The following ZNF618 variants were observed in gnomAD, a reference collection of about 807,000 sequenced individuals.
ZNF618 encodes neural precursor cell expressed, developmentally down-regulated 10.
A neutral mutation model predicts 103.0 loss-of-function variants in ZNF618; 34 were observed. The ratio of observed to expected loss-of-function variants is 0.33; its 90% CI spans 0.25 to 0.44. The LOEUF (loss-of-function observed/expected upper bound fraction) is 0.44. Ranked by LOEUF, ZNF618 falls within the 20% of genes least tolerant of loss-of-function variation. The probability of loss-of-function intolerance (pLI) is 1.00; values close to 1 mark genes in which losing one functional copy is unlikely to be tolerated. For synonymous variants in ZNF618, 551 were observed against 542.2 expected, an observed-to-expected ratio of 1.02 and a Z score of -0.23; for missense variants, 1,059 against 1,295.4, an observed-to-expected ratio of 0.82 and a Z score of 2.80.
At chr9:113,960,420 A>T (rs1249915540) in intron 1 of ZNF618, among the ~76,000 whole-genome samples, 1 of 152,240 alleles carries the variant, frequency 6.6e-6, no homozygotes. Flanking sequence ...AAAGACAACG[A>T]TGATGATGAT....
chr9:113,904,010 C>CTT (rs35812879), intron 1 of ZNF618, among the ~76,000 whole-genome samples: 185 of 139,660 alleles, frequency 1.3e-3, no homozygotes, highest in African/African-American at 4.1e-3. Flanking sequence ...TTCACCCCTC[C>CTT]TTTTTTTTTT....
chr9:114,001,279 G>GC lies in ZNF618; in HGVS notation c.434-717_434-716insC, dbSNP rs1456734053. ...TGGGAGAAGGGCCTGGCAAGGGGCTGGGGGGGCCAGGCATTTACACCATGT... is the reference window on the plus strand; with the variant it reads ...TGGGAGAAGGGCCTGGCAAGGGGCTGCGGGGGGCCAGGCATTTACACCATGT... On this transcript the variant is annotated intron_variant, in intron 4 of 14. Transcript: ENST00000374126. Among the ~76,000 whole-genome samples, 3 of 152,000 alleles carry GC rather than the reference G, an allele frequency of 2.0e-5. No homozygotes were observed. In the South Asian group the frequency reaches 6.3e-4, roughly 32 times the overall value.
intron 3 of ZNF618, among the ~76,000 whole-genome samples, chr9:113,994,851 A>T (rs1840412471): frequency 6.6e-6 from 1 of 152,078 alleles, no homozygotes; most frequent in African/African-American, 2.4e-5. Context: ...ATTCTTTTTC[A>T]CATGTTTGAG....
chr9:113,958,991 C>T (rs974410975), intron 1 of ZNF618, among the ~76,000 whole-genome samples: 1 of 152,218 alleles, frequency 6.6e-6, no homozygotes, highest in Non-Finnish European at 1.5e-5. Context: ...ATTTCTTCAA[C>T]ATAAAAAGTG....
chr9:113,877,109 T>G (rs759030017), intron 1 of ZNF618, among the ~76,000 whole-genome samples: 1 of 152,106 alleles, frequency 6.6e-6, no homozygotes, highest in Non-Finnish European at 1.5e-5. Context: ...ATTTTCACTT[T>G]GATCTTTCCA....
intron 10 of ZNF618, among the ~76,000 whole-genome samples, chr9:114,020,385 A>C (rs907790999): frequency 6.6e-6 from 1 of 152,138 alleles, no homozygotes; most frequent in African/African-American, 2.4e-5. Context: ...ATTCTATTGA[A>C]TCTGTAGATC....
At chr9:113,908,524 C>T (rs1197178754) in intron 1 of ZNF618, among the ~76,000 whole-genome samples, 3 of 151,976 alleles carry the variant, frequency 2.0e-5, no homozygotes, top group Admixed American at 6.6e-5. Flanking sequence ...GAAAGTTCAT[C>T]TTTTAAGTTC....
chr9:114,044,061 T>A (rs1175964610), intron 13 of ZNF618, among the ~76,000 whole-genome samples: 2 of 152,116 alleles, frequency 1.3e-5, no homozygotes, highest in Non-Finnish European at 2.9e-5. Flanking sequence ...TTAAGTCCCA[T>A]CTATCTCTTT....
chr9:114,026,701 C>A (rs571000619), intron 10 of ZNF618, among the ~76,000 whole-genome samples: 2 of 152,292 alleles, frequency 1.3e-5, no homozygotes, highest in South Asian at 4.1e-4. Context: ...CCAGAATAAG[C>A]CTTTGGGCCT....
chr9:114,019,065 G>T (rs185466114), intron 10 of ZNF618, among the ~76,000 whole-genome samples: 68 of 152,320 alleles, frequency 4.5e-4, no homozygotes, highest in Admixed American at 4.0e-3. Context: ...TAGACTGACT[G>T]TGGAAGAATT....
chr9:113,984,900 C>T (rs374210457), intron 2 of ZNF618, among the ~76,000 whole-genome samples: 12 of 152,246 alleles, frequency 7.9e-5, no homozygotes, highest in African/African-American at 2.9e-4. Flanking sequence ...TACTCCCTCA[C>T]CGCCTGTATC....
chr9:113,889,339 C>CTCTCTCTT (rs897904453), intron 1 of ZNF618, among the ~76,000 whole-genome samples: 6 of 150,904 alleles, frequency 4.0e-5, no homozygotes, highest in African/African-American at 1.2e-4. Flanking sequence ...CTCTCTCTCT[C>CTCTCTCTT]TCTCTCTTTC....
intron 1 of ZNF618, among the ~76,000 whole-genome samples, chr9:113,931,917 T>G (rs989150532): frequency 6.6e-6 from 1 of 152,224 alleles, no homozygotes; most frequent in African/African-American, 2.4e-5. Context: ...CTCTACTCCT[T>G]GGGCTGAGGG....
intron 9 of ZNF618, chr9:114,016,271 G>T (rs1842640243): frequency 1.8e-6 from 2 of 1,082,476 alleles, no homozygotes; most frequent in East Asian, 2.4e-5. Context: ...GAGATGAGGG[G>T]ACCCCGGGTG....
At chr9:113,938,911 G>C (rs190660119) in intron 1 of ZNF618, among the ~76,000 whole-genome samples, 1 of 152,162 alleles carries the variant, frequency 6.6e-6, no homozygotes, top group East Asian at 1.9e-4. Flanking sequence ...TGATATGTAG[G>C]AAAGCTGTTG....
chr9:114,032,054 G>A (rs1269092306), intron 11 of ZNF618, among the ~76,000 whole-genome samples: 1 of 152,214 alleles, frequency 6.6e-6, no homozygotes, highest in Non-Finnish European at 1.5e-5. Context: ...TAGTCACTCA[G>A]GGGGAACCCA....
chr9:114,039,152 G>A (rs1844896603), intron 13 of ZNF618, among the ~76,000 whole-genome samples: 1 of 152,174 alleles, frequency 6.6e-6, no homozygotes, highest in Non-Finnish European at 1.5e-5. Context: ...GGTAGACCCT[G>A]ATGGAAGGTT....
rs1460752054 is a variant in ZNF618, at chr9:114,055,744, AC to A, written c.*5578del. The A allele has an allele frequency of 1.3e-5, 2 of 152,504 alleles. No homozygotes were observed. Among genetic ancestry groups the A allele is most frequent in the Admixed American group, 6.5e-5 (1 of 15,274 alleles). 9.4% of individuals were successfully genotyped at this position (152,504 alleles called of 1,614,324 possible). A position where few individuals can be genotyped will look rare whatever the true frequency, so the allele number is the denominator to read the frequency against. The stretch of plus-strand genomic sequence containing the variant: ...AAATACAAAAAAAATTTACAAAAAA[AC>A]AAACACAAAAAAAATATCTTTTTTA... On this transcript the variant is annotated 3_prime_UTR_variant, in exon 15 of 15. Transcript: ENST00000374126.
intron 1 of ZNF618, among the ~76,000 whole-genome samples, chr9:113,876,819 C>T (rs531304072): frequency 1.4e-4 from 21 of 148,876 alleles, no homozygotes; most frequent in Non-Finnish European, 2.8e-4. Flanking sequence ...CTCGGGGTCC[C>T]CGATGACCCC....
Sources: allele counts gnomAD v4.1 joint callset (sites outside exome capture counted in the v4.1 genomes callset), GRCh38; gene constraint gnomAD v4.1.1; transcripts MANE v1.5; gene names NCBI Gene and HGNC (gene_info 2026-07-23, HGNC 2026-07-21).